Variants in TMEM132C observed in about 807,000 individuals in gnomAD.
TMEM132C encodes the protein transmembrane protein 132C.
A neutral mutation model predicts 61.4 loss-of-function variants in TMEM132C; 29 were observed. The ratio of observed to expected loss-of-function variants is 0.47; its 90% CI spans 0.35 to 0.64. TMEM132C has a LOEUF of 0.64. Ranked by LOEUF, TMEM132C falls within the 30% of genes least tolerant of loss-of-function variation. The pLI, the probability that TMEM132C is intolerant of heterozygous loss-of-function variation, is 0.00. For synonymous variants in TMEM132C, 656 were observed against 633.1 expected, an observed-to-expected ratio of 1.04 and a Z score of -0.54; for missense variants, 1,408 against 1,476.9, an observed-to-expected ratio of 0.95 and a Z score of 0.76.
chr12:128,667,200 T>A (rs1954487371), intron 4 of TMEM132C, among the ~76,000 whole-genome samples: 1 of 151,720 alleles, frequency 6.6e-6, no homozygotes, highest in Admixed American at 6.6e-5. Flanking sequence ...TTAGGTAGAG[T>A]GTGTGAACAT....
chr12:128,600,044 G>A (rs188522944), intron 3 of TMEM132C, among the ~76,000 whole-genome samples: 126 of 152,134 alleles, frequency 8.3e-4, no homozygotes, highest in African/African-American at 1.8e-3. Flanking sequence ...GTGCAGTGGC[G>A]CGATCTCGGC....
intron 1 of TMEM132C, among the ~76,000 whole-genome samples, chr12:128,365,038 C>T (rs1462752952): frequency 2.6e-5 from 4 of 152,210 alleles, no homozygotes; most frequent in Non-Finnish European, 4.4e-5. Context: ...CTCTCTGTTC[C>T]TTAACAACCA....
At chr12:128,521,380 G>A (rs1341377524) in intron 2 of TMEM132C, among the ~76,000 whole-genome samples, 3 of 151,366 alleles carry the variant, frequency 2.0e-5, no homozygotes, top group African/African-American at 4.9e-5. Flanking sequence ...CATGTGTCAC[G>A]TTGGTTTGCT....
chr12:128,487,114 G>C (rs543531953), intron 2 of TMEM132C, among the ~76,000 whole-genome samples: 2 of 152,276 alleles, frequency 1.3e-5, no homozygotes, highest in East Asian at 3.9e-4. Context: ...GGGACTTTCT[G>C]GAGTGATTGG....
chr12:128,564,235 C>G (rs1392276028), intron 3 of TMEM132C, among the ~76,000 whole-genome samples: 1 of 152,166 alleles, frequency 6.6e-6, no homozygotes, highest in Non-Finnish European at 1.5e-5. Context: ...GGCCTCACCT[C>G]TCAGTACAAT....
At chr12:128,463,203 C>T (rs1462164037) in intron 2 of TMEM132C, among the ~76,000 whole-genome samples, 2 of 152,218 alleles carry the variant, frequency 1.3e-5, no homozygotes, top group Non-Finnish European at 2.9e-5. Flanking sequence ...ATATAACCTA[C>T]CGCAATTATA....
intron 1 of TMEM132C, among the ~76,000 whole-genome samples, chr12:128,376,704 A>G (rs1433984379): frequency 1.3e-5 from 2 of 152,360 alleles, no homozygotes; most frequent in East Asian, 1.9e-4. Context: ...GAACAGGTCT[A>G]GTAAAGGGTA....
chr12:128,677,665 T>C (rs549359551), intron 5 of TMEM132C, among the ~76,000 whole-genome samples: 30 of 152,294 alleles, frequency 2.0e-4, no homozygotes, highest in Non-Finnish European at 3.7e-4. Context: ...CCCACCCTGG[T>C]CCTCAGCCCT....
intron 1 of TMEM132C, among the ~76,000 whole-genome samples, chr12:128,270,953 A>G (rs893193432): frequency 6.6e-6 from 1 of 152,032 alleles, no homozygotes; most frequent in African/African-American, 2.4e-5. Context: ...GGCTCCCAAC[A>G]TTTAAAAATT....
intron 1 of TMEM132C, among the ~76,000 whole-genome samples, chr12:128,290,044 TC>T (rs1343252910): frequency 6.6e-6 from 1 of 152,164 alleles, no homozygotes; most frequent in Non-Finnish European, 1.5e-5. Flanking sequence ...AAAAAGGGCT[TC>T]CAGAAAAGGT....
At chr12:128,577,193 G>A (rs1456568351) in intron 3 of TMEM132C, among the ~76,000 whole-genome samples, 3 of 152,140 alleles carry the variant, frequency 2.0e-5, no homozygotes. Flanking sequence ...GGTCTTTTGT[G>A]ATGGACCTCC....
chr12:128,639,070 A>G (rs1253509548), intron 4 of TMEM132C, among the ~76,000 whole-genome samples: 12 of 123,146 alleles, frequency 9.7e-5, no homozygotes, highest in African/African-American at 3.8e-4. Context: ...GATGATGATG[A>G]TGGTGATATG....
chr12:128,433,960 G>C (rs887253395), intron 2 of TMEM132C, among the ~76,000 whole-genome samples: 1 of 152,224 alleles, frequency 6.6e-6, no homozygotes. Context: ...TCAGTGGGCT[G>C]CCTTGAAGGA....
chr12:128,593,618 G>T (rs765177617), intron 3 of TMEM132C, among the ~76,000 whole-genome samples: 3 of 152,214 alleles, frequency 2.0e-5, no homozygotes, highest in Non-Finnish European at 2.9e-5. Context: ...TCCTGATTCT[G>T]CAGGAGGCCG....
At chr12:128,504,426 A>G (rs1011226005) in intron 2 of TMEM132C, among the ~76,000 whole-genome samples, 14 of 152,218 alleles carry the variant, frequency 9.2e-5, no homozygotes, top group African/African-American at 3.4e-4. Flanking sequence ...TCTTTGGAAA[A>G]TACAGTTTGC....
intron 3 of TMEM132C, among the ~76,000 whole-genome samples, chr12:128,615,222 A>C (rs1006108487): frequency 2.0e-5 from 3 of 152,158 alleles, no homozygotes; most frequent in African/African-American, 7.2e-5. Flanking sequence ...AGTGGCCTAC[A>C]GCAGTGGTCC....
At position 128,544,010 on chromosome 12, in the gene TMEM132C, G is replaced by A. The variant is rs759171315; in HGVS notation, c.1028G>A (p.Arg343Gln). 45 of 1,549,044 alleles carry A rather than the reference G, an allele frequency of 2.9e-5. No homozygotes were observed. Among genetic ancestry groups the A allele is most frequent in the Middle Eastern group, 1.7e-4 (1 of 6,010 alleles). ...NILSAQTREPRQWGVKQEVGS... is the reference protein window; with the variant it reads ...NILSAQTREPQQWGVKQEVGS... ...CTGAGTGCTCAGACCCGTGAGCCCC[G>A]GCAGTGGGGCGTCAAGCAGGAGGTG... The change falls in exon 3 of 9, where the codon CGG (arginine) becomes CAG (glutamine). Residue 343 changes from arginine (R) to glutamine (Q), a missense_variant. By Grantham distance (43) the Arg-to-Gln change is conservative. Transcript: ENST00000435159.
At position 128,361,236 on chromosome 12, in the gene TMEM132C, C is replaced by T. The variant is rs1873700237; in HGVS notation, c.86-53496C>T. ...CAAGAATTTCTATCTGTCTTCAAAG[C>T]TGTGTTGCTACAAAGCAGAGAGATT... On this transcript the variant is annotated intron_variant, in intron 1 of 8. Transcript: ENST00000435159. Among the ~76,000 whole-genome samples, 6 of 152,176 alleles carry T rather than the reference C, an allele frequency of 3.9e-5. No individual in the cohort carries two copies. In the South Asian group the frequency reaches 1.2e-3, roughly 32 times the overall value.
At chr12:128,568,138 A>C (rs1460106063) in intron 3 of TMEM132C, among the ~76,000 whole-genome samples, 1 of 152,222 alleles carries the variant, frequency 6.6e-6, no homozygotes, top group Non-Finnish European at 1.5e-5. Context: ...TTTACTAAAC[A>C]GTGTGATTGC....
Sources: allele counts gnomAD v4.1 joint callset (sites outside exome capture counted in the v4.1 genomes callset), GRCh38; gene constraint gnomAD v4.1.1; transcripts MANE v1.5; gene names NCBI Gene and HGNC (gene_info 2026-07-23, HGNC 2026-07-21).